TBL1XR1: variants seen among roughly 807,000 people sequenced by gnomAD.
The protein encoded by TBL1XR1 is TBL1X/Y related 1, also known as F-box-like/WD repeat-containing protein TBL1XR1.
TBL1XR1 carries 5 observed loss-of-function variants against 66.9 expected under a neutral mutation model. The observed-to-expected ratio is 0.07, with a 90% confidence interval of 0.04 to 0.16. The LOEUF (loss-of-function observed/expected upper bound fraction) is 0.16. TBL1XR1 is among the 10% of genes least tolerant of loss of function. The pLI, the probability that TBL1XR1 is intolerant of heterozygous loss-of-function variation, is 1.00. For missense variants in TBL1XR1, 238 were observed against 623.2 expected, an observed-to-expected ratio of 0.38 and a Z score of 6.58; for synonymous variants, 210 against 206.0, an observed-to-expected ratio of 1.02 and a Z score of -0.17.
At chr3:177,134,731 A>AAT (rs1435163165) in intron 1 of TBL1XR1, among the ~76,000 whole-genome samples, 1 of 152,168 alleles carries the variant, frequency 6.6e-6, no homozygotes, top group Non-Finnish European at 1.5e-5. Flanking sequence ...TCTAAGTTAC[A>AAT]ATACCTCTTA....
At chr3:177,058,496 A>G (rs1398973428) in intron 3 of TBL1XR1, among the ~76,000 whole-genome samples, 1 of 152,246 alleles carries the variant, frequency 6.6e-6, no homozygotes. Flanking sequence ...CATAATATTC[A>G]GCCAGTAAAT....
At chr3:177,062,197 C>G (rs1209894531) in intron 3 of TBL1XR1, among the ~76,000 whole-genome samples, 1 of 152,204 alleles carries the variant, frequency 6.6e-6, no homozygotes, top group African/African-American at 2.4e-5. Context: ...AGGATATGCT[C>G]TCATAGCCCA....
chr3:177,033,913 T>C (rs1261950548), intron 13 of TBL1XR1, among the ~76,000 whole-genome samples: 1 of 151,952 alleles, frequency 6.6e-6, no homozygotes, highest in Admixed American at 6.6e-5. Context: ...ATAATGAACT[T>C]TGTGGACTGG....
intron 1 of TBL1XR1, among the ~76,000 whole-genome samples, chr3:177,151,764 G>A (rs527304731): frequency 1.2e-4 from 18 of 152,238 alleles, no homozygotes; most frequent in South Asian, 6.2e-4. Flanking sequence ...AGACGGGCAC[G>A]GTGGCTCACA....
chr3:177,092,653 G>C (rs1577140140), intron 2 of TBL1XR1, among the ~76,000 whole-genome samples: 1 of 151,890 alleles, frequency 6.6e-6, no homozygotes, highest in African/African-American at 2.4e-5. Context: ...GTAGAACCCT[G>C]TTGCACTATT....
intron 3 of TBL1XR1, among the ~76,000 whole-genome samples, chr3:177,063,704 T>C (rs1160896127): frequency 1.3e-5 from 2 of 152,326 alleles, no homozygotes; most frequent in East Asian, 3.9e-4. Context: ...AGTACCAGTC[T>C]ACCAGTTTAA....
chr3:177,077,166 A>T (rs1310522084), intron 2 of TBL1XR1, among the ~76,000 whole-genome samples: 1 of 152,242 alleles, frequency 6.6e-6, no homozygotes, highest in East Asian at 1.9e-4. Flanking sequence ...AACACACCTT[A>T]CAACAGTACT....
At chr3:177,183,391 T>C (rs1379480464) in intron 1 of TBL1XR1, among the ~76,000 whole-genome samples, 2 of 152,234 alleles carry the variant, frequency 1.3e-5, no homozygotes, top group Non-Finnish European at 2.9e-5. Flanking sequence ...GGATTTTTAG[T>C]GAGAATCCAT....
chr3:177,096,335 T>TACATACACACACACACACACAC (rs368291107), intron 2 of TBL1XR1, among the ~76,000 whole-genome samples: 1 of 150,204 alleles, frequency 6.7e-6, no homozygotes, highest in East Asian at 2.0e-4. Flanking sequence ...CATACATACA[T>TACATACACACACACACACACAC]ACACACACAC....
chr3:177,098,335 T>TAA (rs547794994), intron 2 of TBL1XR1, 131 bp downstream of exon 2: 58 of 292,080 alleles, frequency 2.0e-4, no homozygotes, highest in Admixed American at 7.9e-4. Flanking sequence ...ATAAAAAATT[T>TAA]AAAAAAAAAA....
intron 1 of TBL1XR1, among the ~76,000 whole-genome samples, chr3:177,157,363 C>T (rs1384120324): frequency 6.6e-6 from 1 of 152,230 alleles, no homozygotes; most frequent in African/African-American, 2.4e-5. Flanking sequence ...TCTGACCATT[C>T]TTCAGCAGTC....
At chr3:177,060,095 C>A (rs1364770280) in intron 3 of TBL1XR1, among the ~76,000 whole-genome samples, 1 of 152,170 alleles carries the variant, frequency 6.6e-6, no homozygotes, top group Admixed American at 6.5e-5. Context: ...GGGACTTGGA[C>A]TGATCCACCA....
In TBL1XR1 at chr3:177,161,769, G is replaced by C. The variant is rs536293516; in HGVS notation, c.-122+35352C>G. On this transcript the variant is annotated intron_variant, in intron 1 of 15. Coordinates refer to ENST00000457928, the MANE Select transcript of TBL1XR1 (RefSeq NM_024665.7). ...ACTGAACTCCAGCTTGGGTGACAGA[G>C]TGAGACTCTGACTCAAAAAAAAAAA... Among the ~76,000 whole-genome samples, 161 of 144,666 alleles carry C rather than the reference G, an allele frequency of 1.1e-3. No homozygotes were observed. In the Middle Eastern group the frequency reaches 0.014, roughly 13 times the overall value. 94.9% of individuals were successfully genotyped at this position (144,666 alleles called of 152,430 possible).
At chr3:177,056,345 G>A (rs962117845) in intron 3 of TBL1XR1, among the ~76,000 whole-genome samples, 2 of 152,178 alleles carry the variant, frequency 1.3e-5, no homozygotes, top group African/African-American at 2.4e-5. Flanking sequence ...TCTAAGACTT[G>A]CAGGTGGAAC....
At chr3:177,191,212 G>C (rs1278545826) in intron 1 of TBL1XR1, among the ~76,000 whole-genome samples, 1 of 152,178 alleles carries the variant, frequency 6.6e-6, no homozygotes, top group Non-Finnish European at 1.5e-5. Flanking sequence ...TTGGCAAAGA[G>C]AATCCATTAT....
At chr3:177,190,164 A>G in intron 1 of TBL1XR1, among the ~76,000 whole-genome samples, 2 of 125,816 alleles carry the variant, frequency 1.6e-5, no homozygotes, top group South Asian at 2.6e-4. Context: ...AAAAAAAAAG[A>G]GTCCAAAATC....
intron 1 of TBL1XR1, among the ~76,000 whole-genome samples, chr3:177,170,824 C>CA (rs1267397623): frequency 1.3e-5 from 2 of 151,970 alleles, no homozygotes. Flanking sequence ...AAGCTGGTCT[C>CA]AAACTCCTGA....
intron 1 of TBL1XR1, among the ~76,000 whole-genome samples, chr3:177,109,047 T>C (rs932809149): frequency 3.3e-5 from 5 of 152,208 alleles, no homozygotes; most frequent in African/African-American, 9.6e-5. Context: ...AAAATGTTAT[T>C]GTCAAACATG....
intron 1 of TBL1XR1, among the ~76,000 whole-genome samples, chr3:177,192,928 A>C (rs1559973547): frequency 6.6e-6 from 1 of 152,044 alleles, no homozygotes; most frequent in African/African-American, 2.4e-5. Context: ...CGAGGCAGGC[A>C]CGTTACCTGA....
Sources: gnomAD v4.1 joint callset for allele counts (sites outside exome capture counted in the v4.1 genomes callset) on GRCh38, gnomAD v4.1.1 for gene constraint, MANE v1.5 for transcripts, NCBI Gene and HGNC (gene_info 2026-07-23, HGNC 2026-07-21) for gene names.